ADAMTS12: variants seen among roughly 807,000 people sequenced by gnomAD.
The protein encoded by ADAMTS12 is ADAM metallopeptidase with thrombospondin type 1 motif 12.
In ADAMTS12, 118 loss-of-function variants were observed where a neutral mutation model predicts 167.8. That is an observed-to-expected ratio of 0.70 (90% CI 0.61 to 0.82). The LOEUF (loss-of-function observed/expected upper bound fraction) is 0.82, where lower values mean the gene tolerates loss of function less well. ADAMTS12 is among the 40% of genes least tolerant of loss of function. The probability of loss-of-function intolerance (pLI) is 0.00; values close to 1 mark genes in which losing one functional copy is unlikely to be tolerated. For synonymous variants in ADAMTS12, 704 were observed against 716.9 expected (o/e 0.98, Z 0.29); for missense variants, 1,916 against 1,998.8 (o/e 0.96, Z 0.79).
chr5:33,839,666 A>T (rs1748671014), intron 2 of ADAMTS12, among the ~76,000 whole-genome samples: 1 of 151,974 alleles, frequency 6.6e-6, no homozygotes, highest in Admixed American at 6.6e-5. Flanking sequence ...CCTAGGTTTG[A>T]CTGTCCACTT....
intron 5 of ADAMTS12, among the ~76,000 whole-genome samples, chr5:33,677,528 G>A (rs1180521647): frequency 1.3e-5 from 2 of 152,114 alleles, no homozygotes; most frequent in South Asian, 2.1e-4. Flanking sequence ...CCTAACCCCC[G>A]ACCCAAGAGG....
chr5:33,744,308 C>T (rs749724943), intron 3 of ADAMTS12, among the ~76,000 whole-genome samples: 1 of 152,022 alleles, frequency 6.6e-6, no homozygotes, highest in Non-Finnish European at 1.5e-5. Flanking sequence ...GGGGAGAACA[C>T]GTTTCAGGGA....
intron 2 of ADAMTS12, among the ~76,000 whole-genome samples, chr5:33,816,115 G>A (rs1377044344): frequency 1.3e-5 from 2 of 152,040 alleles, no homozygotes; most frequent in African/African-American, 2.4e-5. Context: ...TGAAAAATGC[G>A]CACCGCCTGT....
Position 33,738,435 on chromosome 5 carries a change from G to A in ADAMTS12, c.634+12969C>T, listed in dbSNP as rs145353570. On this transcript the variant is annotated intron_variant, in intron 3 of 23. Transcript: ENST00000504830. Reference sequence around the variant, plus strand: ...CAAGAAATGAAGGTATGCAAATTAAGTGTCTTTGATGCCTCCTGCATATTC... The same window carrying A: ...CAAGAAATGAAGGTATGCAAATTAAATGTCTTTGATGCCTCCTGCATATTC... Among the ~76,000 whole-genome samples the A allele has an allele frequency of 1.0e-3, 158 of 152,274 alleles. 2 individuals are homozygous for A. The East Asian group carries it at 0.021, about 20-fold the overall frequency.
At position 33,729,550 on chromosome 5, in the gene ADAMTS12, T is replaced by C. The variant is rs569460634; in HGVS notation, c.634+21854A>G. On this transcript the variant is annotated intron_variant, in intron 3 of 23. Coordinates refer to ENST00000504830, the MANE Select transcript of ADAMTS12 (RefSeq NM_030955.4). ...CTGGCTTTGTCTGCTCAGGGAGTTT[T>C]TGTGGCCTCCATTTTAATTTGCTTT... 8.5e-5 allele frequency among the ~76,000 whole-genome samples: 13 copies of C among 152,356 alleles called. No homozygotes were observed. The South Asian group carries it at 2.5e-3, about 29-fold the overall frequency.
intron 20 of ADAMTS12, among the ~76,000 whole-genome samples, chr5:33,557,348 T>C (rs1745531160): frequency 6.6e-6 from 1 of 152,216 alleles, no homozygotes; most frequent in African/African-American, 2.4e-5. Flanking sequence ...ACTCTCTGGA[T>C]ATTTAAAGGC....
At position 33,525,822 on chromosome 5, in the gene ADAMTS12, C is replaced by T. The variant is rs1467084522; in HGVS notation, c.*1366G>A. On this transcript the variant is annotated 3_prime_UTR_variant, in exon 24 of 24. Coordinates refer to ENST00000504830, the MANE Select transcript of ADAMTS12 (RefSeq NM_030955.4). ...CATTTGAAGCTTATGCCCCTCCACC[C>T]ACCCACTTACCCTCTTTCTCTGGGT... is the stretch of plus-strand genomic sequence containing the variant. 1 of 152,194 alleles carries T rather than the reference C, an allele frequency of 6.6e-6. No homozygotes were observed. The highest frequency in any genetic ancestry group is 1.5e-5 in the Non-Finnish European group (1 of 68,030). The allele number at this position is 152,194 out of a possible 1,614,324, so 9.4% of individuals were successfully genotyped here.
At chr5:33,568,451 G>C (rs1228940581) in intron 19 of ADAMTS12, among the ~76,000 whole-genome samples, 5 of 152,176 alleles carry the variant, frequency 3.3e-5, no homozygotes, top group Admixed American at 1.3e-4. Flanking sequence ...ATTTTATATA[G>C]TTAAATTGTC....
intron 14 of ADAMTS12, among the ~76,000 whole-genome samples, chr5:33,620,304 G>A (rs1739252377): frequency 6.6e-6 from 1 of 152,142 alleles, no homozygotes; most frequent in Non-Finnish European, 1.5e-5. Flanking sequence ...ATCACTAGTG[G>A]CACTTTGTAT....
At chr5:33,886,614 T>C (rs6414860) in intron 1 of ADAMTS12, among the ~76,000 whole-genome samples, 76,587 of 152,038 alleles carry the variant, frequency 0.5, 21,520 homozygotes, top group African/African-American at 0.74. Flanking sequence ...AGACAAGAAG[T>C]GCTTCACCTC....
At chr5:33,659,682 A>G (rs898550961) in intron 6 of ADAMTS12, among the ~76,000 whole-genome samples, 1 of 152,218 alleles carries the variant, frequency 6.6e-6, no homozygotes, top group Non-Finnish European at 1.5e-5. Flanking sequence ...TGGGGCCACT[A>G]TGTAACAGAA....
rs1268362076 is a variant in ADAMTS12, at chr5:33,534,973, C to A, written c.4466G>T (p.Gly1489Val). The change falls in exon 23 of 24, where the codon GGT becomes GTT. Residue 1489 changes from glycine (G) to valine (V), a missense_variant. Physicochemically the swap from Gly to Val is moderately radical, Grantham distance 109. Transcript: ENST00000504830. The part of the protein sequence containing the change: ...NWDLCSTSCG[G>V]GFQKRTVQCV... ...TTGGACAGTCCTCTTCTGAAAGCCA[C>A]CTCCACAGGAAGTGGAACACTGAAA... 1.2e-6 allele frequency: 2 copies of A among 1,608,288 alleles called. No homozygotes were observed. Among genetic ancestry groups the A allele is most frequent in the Admixed American group, 1.7e-5 (1 of 58,350 alleles).
intron 5 of ADAMTS12, among the ~76,000 whole-genome samples, chr5:33,681,390 A>G (rs566006283): frequency 6.6e-6 from 1 of 152,142 alleles, no homozygotes; most frequent in Non-Finnish European, 1.5e-5. Context: ...TACATATCCT[A>G]GCTGCTGGTT....
intron 19 of ADAMTS12, among the ~76,000 whole-genome samples, chr5:33,569,353 G>A (rs1326128022): frequency 6.6e-6 from 1 of 152,204 alleles, no homozygotes; most frequent in South Asian, 2.1e-4. Flanking sequence ...CCCCCAGTAG[G>A]GGCAGACTGA....
intron 3 of ADAMTS12, among the ~76,000 whole-genome samples, chr5:33,741,448 AT>A (rs1744577453): frequency 1.3e-5 from 2 of 152,178 alleles, no homozygotes; most frequent in African/African-American, 4.8e-5. Flanking sequence ...TAATGACCTT[AT>A]TTTAATTTAA....
chr5:33,659,031 C>T (rs1360098893), intron 6 of ADAMTS12, among the ~76,000 whole-genome samples: 1 of 152,148 alleles, frequency 6.6e-6, no homozygotes, highest in Non-Finnish European at 1.5e-5. Flanking sequence ...TTCTTTAGCA[C>T]AAAAGGAGCT....
At chr5:33,584,798 C>A (rs1747254985) in intron 18 of ADAMTS12, among the ~76,000 whole-genome samples, 1 of 151,144 alleles carries the variant, frequency 6.6e-6, no homozygotes, top group Non-Finnish European at 1.5e-5. Flanking sequence ...TACTATTAGT[C>A]TAATTACTAG....
At chr5:33,808,769 C>A (rs781322842) in intron 2 of ADAMTS12, among the ~76,000 whole-genome samples, 3 of 152,144 alleles carry the variant, frequency 2.0e-5, no homozygotes, top group Non-Finnish European at 4.4e-5. Flanking sequence ...TAGATAAACT[C>A]CTTTCACAGA....
chr5:33,618,629 C>T (rs770047567), intron 14 of ADAMTS12, among the ~76,000 whole-genome samples: 3 of 152,164 alleles, frequency 2.0e-5, no homozygotes, highest in Non-Finnish European at 4.4e-5. Context: ...TTCGGAAGCA[C>T]TCTCTTCATC....
Sources: allele counts gnomAD v4.1 joint callset (sites outside exome capture counted in the v4.1 genomes callset), GRCh38; gene constraint gnomAD v4.1.1; transcripts MANE v1.5; gene names NCBI Gene and HGNC (gene_info 2026-07-23, HGNC 2026-07-21).